Variants in OOEP observed in about 807,000 individuals in gnomAD.
The protein encoded by OOEP is oocyte expressed protein, also known as oocyte-expressed protein homolog.
A neutral mutation model predicts 13.7 loss-of-function variants in OOEP; 16 were observed. The ratio of observed to expected loss-of-function variants is 1.16; its 90% CI spans 0.79 to 1.77. The LOEUF is 1.77. OOEP is among the 40% of genes most tolerant of loss of function. The pLI is 0.00. For synonymous variants in OOEP, 89 were observed against 77.1 expected, an observed-to-expected ratio of 1.15 and a Z score of -0.81; for missense variants, 195 against 193.1, an observed-to-expected ratio of 1.01 and a Z score of -0.06.
At chr6:73,384,960 C>T (rs1006811710) in intron 2 of OOEP, among the ~76,000 whole-genome samples, 1 of 151,544 alleles carries the variant, frequency 6.6e-6, no homozygotes, top group Non-Finnish European at 1.5e-5. Flanking sequence ...TGCTCTTGAA[C>T]TCCTGACCTC....
intron 2 of OOEP, among the ~76,000 whole-genome samples, chr6:73,382,767 T>G (rs932771142): frequency 2.6e-5 from 4 of 151,652 alleles, no homozygotes; most frequent in Non-Finnish European, 5.9e-5. Context: ...TTGCCCAGGC[T>G]AGGCTTGAAC....
upstream of OOEP, among the ~76,000 whole-genome samples, chr6:73,370,702 G>A (rs1030460160): frequency 3.3e-5 from 5 of 152,068 alleles, no homozygotes; most frequent in Non-Finnish European, 4.4e-5. Flanking sequence ...TACTATATTT[G>A]TAGAAATATT....
At chr6:73,380,701 CTT>C (rs1316353733) in intron 2 of OOEP, among the ~76,000 whole-genome samples, 5 of 152,060 alleles carry the variant, frequency 3.3e-5, no homozygotes, top group African/African-American at 1.2e-4. Context: ...GCAGATTAAA[CTT>C]TGAGTTGTTT....
rs58249304 is a variant in OOEP, at chr6:73,369,739, G to A, written c.54C>T (p.Ala18=). The A allele has an allele frequency of 8.5e-5, 137 of 1,614,024 alleles. No individual in the cohort carries two copies. In the East Asian group the frequency reaches 2.7e-3, roughly 32 times the overall value. ...AESQRGKQTP[A]HSLEQLRRLP... ...ACCTACGCAGCTGCTCCAGGGAGTG[G>A]GCCGGAGTCTGTTTGCCCCGCTGGG... Residue 18 remains alanine, a synonymous_variant, in exon 1 of 3, where the codon GCC becomes GCT. Coordinates refer to ENST00000370359, the MANE Select transcript of OOEP (RefSeq NM_001080507.3).
upstream of OOEP, among the ~76,000 whole-genome samples, chr6:73,374,138 T>C (rs1050046716): frequency 2.0e-5 from 3 of 152,144 alleles, no homozygotes; most frequent in Middle Eastern, 3.4e-3. Context: ...CAGTGAGCTA[T>C]GATTGCACCA....
In OOEP at chr6:73,369,680, G is replaced by T. The variant is rs760285961; in HGVS notation, c.113C>A (p.Pro38His). The change falls in exon 1 of 3, where the codon CCC becomes CAC. Residue 38 changes from proline (P) to histidine (H), a missense_variant. Transcript: ENST00000370359. ...PLPPPQIRIR[P>H]WWFPVQELRD... is the part of the protein sequence containing the mutation. ...CAGTTCCTGCACCGGAAACCACCAGGGCCGGATGCGAATCTGTGGCGGCGG... is the reference window on the plus strand; with the variant it reads ...CAGTTCCTGCACCGGAAACCACCAGTGCCGGATGCGAATCTGTGGCGGCGG... 2 of 1,614,022 alleles carry T rather than the reference G, an allele frequency of 1.2e-6. No homozygotes were observed. The highest frequency in any genetic ancestry group is 4.5e-5 in the East Asian group (2 of 44,882).
chr6:73,383,347 T>A (rs994875184), intron 2 of OOEP, among the ~76,000 whole-genome samples: 1 of 152,110 alleles, frequency 6.6e-6, no homozygotes, highest in Non-Finnish European at 1.5e-5. Context: ...CTAAAATCAA[T>A]GCAGGGGCCG....
chr6:73,384,723 A>T (rs1335824650), intron 2 of OOEP, among the ~76,000 whole-genome samples: 1 of 151,796 alleles, frequency 6.6e-6, no homozygotes, highest in Non-Finnish European at 1.5e-5. Context: ...CAGCATAGGC[A>T]ACAAGACAAA....
chr6:73,390,788 A>AG lies in OOEP; in HGVS notation c.25+3557dup, dbSNP rs532003274. Among the ~76,000 whole-genome samples the AG allele has an allele frequency of 5.2e-3, 768 of 147,434 alleles. 10 individuals are homozygous for AG. The highest frequency in any genetic ancestry group is 0.018 in the African/African-American group (730 of 39,964). ...TCTTTTTTTTGTATTTTTAGTAGAGAGGGGGGTATCGCCATGTTGGCCAGG... is the reference window on the plus strand; with the variant it reads ...TCTTTTTTTTGTATTTTTAGTAGAGAGGGGGGGTATCGCCATGTTGGCCAGG... On this transcript the variant is annotated intron_variant, in intron 2 of 3. Transcript: ENST00000370363.
chr6:73,392,072 T>A (rs1769354299), intron 2 of OOEP, among the ~76,000 whole-genome samples: 1 of 152,214 alleles, frequency 6.6e-6, no homozygotes, highest in South Asian at 2.1e-4. Flanking sequence ...CCTCTGCTTC[T>A]ACTTTCTGGA....
chr6:73,392,130 G>T (rs1769354993), intron 2 of OOEP, among the ~76,000 whole-genome samples: 1 of 152,112 alleles, frequency 6.6e-6, no homozygotes, highest in Admixed American at 6.6e-5. Flanking sequence ...ACCAGTCAAA[G>T]ACATTACAAG....
chr6:73,392,429 C>G (rs2150784191), intron 2 of OOEP, among the ~76,000 whole-genome samples: 1 of 152,072 alleles, frequency 6.6e-6, no homozygotes, highest in East Asian at 1.9e-4. Flanking sequence ...CTCAGCTTCT[C>G]AAGTAGCTGG....
rs1285046006 is a variant in OOEP, at chr6:73,379,652, A to AG, written c.26-10268_26-10267insC. On this transcript the variant is annotated intron_variant, in intron 2 of 3. Coordinates refer to the OOEP transcript ENST00000370363. Reference sequence around the variant, plus strand: ...AGACTCTATCTCAAAAAAAAAAAAAAAAAAAAAAAGTGGCCTTATTTTACA... The same window carrying AG: ...AGACTCTATCTCAAAAAAAAAAAAAAGAAAAAAAAAGTGGCCTTATTTTACA... 4.4e-5 allele frequency among the ~76,000 whole-genome samples: 6 copies of AG among 136,922 alleles called. 1 individual carries two copies. Among genetic ancestry groups the AG allele is most frequent in the Non-Finnish European group, 7.8e-5 (5 of 63,976 alleles). The allele number at this position is 136,922 out of a possible 152,430, so 89.8% of individuals were successfully genotyped here. A position where few individuals can be genotyped will look rare whatever the true frequency, so the allele number is the denominator to read the frequency against.
Position 73,369,262 on chromosome 6 carries a change from C to G in OOEP, c.314G>C (p.Arg105Pro). 2 of 1,613,846 alleles carry G rather than the reference C, an allele frequency of 1.2e-6. No homozygotes were observed. The highest frequency in any genetic ancestry group is 1.7e-6 in the Non-Finnish European group (2 of 1,179,860). Residue 105 changes from arginine (R) to proline (P), a missense_variant, in exon 2 of 3, where the codon CGG becomes CCG. Arg to Pro is a moderately radical substitution (Grantham distance 103, BLOSUM62 -2). Coordinates refer to ENST00000370359, the MANE Select transcript of OOEP (RefSeq NM_001080507.3). ...CAGGCACAGGAGCATGCTCTTCACC[C>G]GATTCTGTACACGGGGCCGCCCGAA... ...TVFGRPRVQN[R>P]VKSMLLCLAW... is the part of the protein sequence containing the mutation.
At chr6:73,382,850 CTTTTTTTTTTTTT>C (rs765716551) in intron 2 of OOEP, among the ~76,000 whole-genome samples, 1 of 102,266 alleles carries the variant, frequency 9.8e-6, no homozygotes, top group African/African-American at 3.8e-5. Context: ...TGGTTTTTAA[CTTTTTTTTTTTTT>C]TTTTTTTTTG....
upstream of OOEP, among the ~76,000 whole-genome samples, chr6:73,373,473 G>A (rs999061017): frequency 6.6e-6 from 1 of 152,200 alleles, no homozygotes; most frequent in Non-Finnish European, 1.5e-5. Flanking sequence ...GCCCAGGCTG[G>A]TCTCGAACTC....
At chr6:73,373,305 A>G (rs927898752), upstream of OOEP, 19 of 1,550,116 alleles carry the variant, frequency 1.2e-5, no homozygotes, top group Non-Finnish European at 1.6e-5. Context: ...TGGCGGAGAA[A>G]GGAAGAGGGC....
upstream of OOEP, among the ~76,000 whole-genome samples, chr6:73,372,802 C>G (rs769868920): frequency 3.3e-5 from 5 of 152,040 alleles, no homozygotes; most frequent in Non-Finnish European, 5.9e-5. Flanking sequence ...CTGCAGTGGG[C>G]CTGACGCCAG....
chr6:73,382,850 C>CT (rs765716551), intron 2 of OOEP, among the ~76,000 whole-genome samples: 68,065 of 102,388 alleles, frequency 0.66, 24,194 homozygotes, highest in South Asian at 0.82. Context: ...TGGTTTTTAA[C>CT]TTTTTTTTTT....
Sources: allele counts gnomAD v4.1 joint callset (sites outside exome capture counted in the v4.1 genomes callset), GRCh38; gene constraint gnomAD v4.1.1; transcripts MANE v1.5; gene names NCBI Gene and HGNC (gene_info 2026-07-23, HGNC 2026-07-21).